The following SEMA3E variants were observed in gnomAD, a reference collection of about 807,000 sequenced individuals.
The protein encoded by SEMA3E is semaphorin 3E, also known as semaphorin-3E.
In SEMA3E, 49 loss-of-function variants were observed where a neutral mutation model predicts 93.6. The ratio of observed to expected loss-of-function variants is 0.52; its 90% confidence interval spans 0.42 to 0.66. The LOEUF is 0.66. Ranked by LOEUF, SEMA3E falls within the 30% of genes least tolerant of loss-of-function variation. The pLI, the probability that SEMA3E is intolerant of heterozygous loss-of-function variation, is 0.00. For synonymous variants in SEMA3E, 363 were observed against 330.7 expected (o/e 1.10, Z -1.06); for missense variants, 906 against 964.8 (o/e 0.94, Z 0.81).
intron 1 of SEMA3E, among the ~76,000 whole-genome samples, chr7:83,539,188 A>G (rs1029223772): frequency 6.6e-6 from 1 of 152,298 alleles, no homozygotes; most frequent in African/African-American, 2.4e-5. Flanking sequence ...GATAAAGCCT[A>G]GTACCAGGCT....
intron 16 of SEMA3E, among the ~76,000 whole-genome samples, chr7:83,368,981 T>G (rs1480428931): frequency 6.6e-6 from 1 of 152,174 alleles, no homozygotes; most frequent in African/African-American, 2.4e-5. Context: ...CTTAATAACC[T>G]GAAAAATTGT....
intron 2 of SEMA3E, 93 bp downstream of exon 2, chr7:83,490,021 A>G: frequency 9.4e-6 from 11 of 1,168,472 alleles, no homozygotes; most frequent in Non-Finnish European, 1.4e-5. Flanking sequence ...AAAATTTTAA[A>G]GTGGTCAATA....
chr7:83,559,574 T>C (rs1421504971), intron 1 of SEMA3E, among the ~76,000 whole-genome samples: 1 of 151,770 alleles, frequency 6.6e-6, no homozygotes, highest in Non-Finnish European at 1.5e-5. Flanking sequence ...CAATATCAAA[T>C]GCTGGTGAGG....
intron 1 of SEMA3E, among the ~76,000 whole-genome samples, chr7:83,522,015 G>A (rs1380638787): frequency 6.6e-6 from 1 of 152,032 alleles, no homozygotes; most frequent in Non-Finnish European, 1.5e-5. Context: ...TTCTATTATA[G>A]AGATTAGCTC....
intron 1 of SEMA3E, among the ~76,000 whole-genome samples, chr7:83,557,141 A>G (rs931498751): frequency 3.9e-5 from 6 of 152,134 alleles, no homozygotes; most frequent in Non-Finnish European, 8.8e-5. Flanking sequence ...TATATTGAAG[A>G]TCAAAAGTCT....
intron 1 of SEMA3E, among the ~76,000 whole-genome samples, chr7:83,640,372 C>T (rs987498498): frequency 6.6e-6 from 1 of 152,134 alleles, no homozygotes. Flanking sequence ...TGACATTTAA[C>T]TCCAGTTTAG....
intron 2 of SEMA3E, among the ~76,000 whole-genome samples, chr7:83,470,862 CTTTT>C (rs60392556): frequency 9.3e-5 from 13 of 139,942 alleles, no homozygotes; most frequent in Non-Finnish European, 1.1e-4. Flanking sequence ...CCCACATTTT[CTTTT>C]TTTTTTTTTT....
chr7:83,441,853 G>C (rs906554638), intron 4 of SEMA3E, among the ~76,000 whole-genome samples: 3 of 152,212 alleles, frequency 2.0e-5, no homozygotes, highest in Admixed American at 6.5e-5. Context: ...AGGTCTGCAA[G>C]ACAATGTAAG....
chr7:83,429,914 A>C (rs1427582659), intron 4 of SEMA3E, among the ~76,000 whole-genome samples: 2 of 152,142 alleles, frequency 1.3e-5, no homozygotes, highest in African/African-American at 4.8e-5. Context: ...AAATGACTTC[A>C]CTGATATTCT....
intron 4 of SEMA3E, among the ~76,000 whole-genome samples, chr7:83,463,014 C>A (rs1046281308): frequency 1.4e-5 from 2 of 141,850 alleles, no homozygotes; most frequent in African/African-American, 5.0e-5. Context: ...ATTACCTAGG[C>A]TGTACTGCCG....
At chr7:83,619,219 C>A (rs115860921) in intron 1 of SEMA3E, among the ~76,000 whole-genome samples, 1 of 151,176 alleles carries the variant, frequency 6.6e-6, no homozygotes, top group African/African-American at 2.4e-5. Context: ...TTATATTTTC[C>A]GGCCATTTTT....
At chr7:83,455,120 A>G (rs1789454871) in intron 4 of SEMA3E, among the ~76,000 whole-genome samples, 1 of 152,248 alleles carries the variant, frequency 6.6e-6, no homozygotes, top group Non-Finnish European at 1.5e-5. Context: ...ATTGTTGATT[A>G]TCTTTGAGGC....
At chr7:83,601,765 C>A (rs1412071509) in intron 1 of SEMA3E, among the ~76,000 whole-genome samples, 1 of 152,166 alleles carries the variant, frequency 6.6e-6, no homozygotes, top group Non-Finnish European at 1.5e-5. Context: ...TTCCTGAGAT[C>A]TTAATGTACT....
intron 1 of SEMA3E, among the ~76,000 whole-genome samples, chr7:83,511,312 A>C (rs1790813857): frequency 6.6e-6 from 1 of 150,924 alleles, no homozygotes; most frequent in Non-Finnish European, 1.5e-5. Context: ...ATGAGAAAAC[A>C]GACATTTTAG....
chr7:83,423,885 T>C (rs1485767568), intron 4 of SEMA3E, among the ~76,000 whole-genome samples: 2 of 152,094 alleles, frequency 1.3e-5, no homozygotes, highest in African/African-American at 4.8e-5. Flanking sequence ...TCACCACTAA[T>C]AACTTACTCA....
intron 9 of SEMA3E, among the ~76,000 whole-genome samples, chr7:83,404,677 AATAGATT>A (rs1374209276): frequency 5.3e-5 from 8 of 152,020 alleles, no homozygotes; most frequent in African/African-American, 1.9e-4. Context: ...AGGGGAAAAC[AATAGATT>A]ATACATCTTA....
intron 1 of SEMA3E, among the ~76,000 whole-genome samples, chr7:83,615,262 T>G (rs1014683868): frequency 6.6e-6 from 1 of 152,168 alleles, no homozygotes; most frequent in African/African-American, 2.4e-5. Context: ...GGAGATTTGA[T>G]TCCTCCAAAT....
intron 1 of SEMA3E, among the ~76,000 whole-genome samples, chr7:83,529,103 A>G (rs1188820210): frequency 1.3e-5 from 2 of 152,174 alleles, no homozygotes; most frequent in South Asian, 2.1e-4. Context: ...GGAATGCAAC[A>G]TAAGTGTTTA....
chr7:83,392,016 T>C (rs1267130278), intron 14 of SEMA3E, among the ~76,000 whole-genome samples: 1 of 152,192 alleles, frequency 6.6e-6, no homozygotes, highest in Admixed American at 6.6e-5. Flanking sequence ...CCTCAAGATC[T>C]CTGCTTAAAG....
Sources: allele counts gnomAD v4.1 joint callset (sites outside exome capture counted in the v4.1 genomes callset), GRCh38; gene constraint gnomAD v4.1.1; transcripts MANE v1.5; gene names NCBI Gene and HGNC (gene_info 2026-07-23, HGNC 2026-07-21).